The following VILL variants were observed in gnomAD, a reference collection of about 807,000 sequenced individuals.
VILL encodes villin like.
A neutral mutation model predicts 106.3 loss-of-function variants in VILL; 102 were observed. The observed-to-expected ratio is 0.96, with a 90% CI of 0.82 to 1.13. The LOEUF (loss-of-function observed/expected upper bound fraction) is 1.13. Ranked by LOEUF, VILL falls within the 50% of genes most tolerant of loss-of-function variation. VILL has a pLI of 0.00. For missense variants in VILL, 1,076 were observed against 1,116.6 expected, an observed-to-expected ratio of 0.96 and a Z score of 0.52; for synonymous variants, 431 against 440.3, an observed-to-expected ratio of 0.98 and a Z score of 0.27.
rs760367125 is a variant in VILL at position 37,994,398 on chromosome 3, C to G, written c.273C>G (p.Thr91=). 1 of 1,612,282 alleles carries G rather than the reference C, an allele frequency of 6.2e-7. No homozygotes were observed. Among genetic ancestry groups the G allele is most frequent in the African/African-American group, 1.3e-5 (1 of 74,902 alleles). ...QRLQDELGGQ[T]VLHREAQGHE... is the part of the protein sequence containing the mutation. ...TACAGGACGAGCTGGGGGGCCAGACCGTGCTGCACCGCGAGGCGCAGGGCC... is the reference window on the plus strand; with the variant it reads ...TACAGGACGAGCTGGGGGGCCAGACGGTGCTGCACCGCGAGGCGCAGGGCC... Residue 91 remains threonine (T), a synonymous_variant, in exon 4 of 20, where the codon ACC becomes ACG. Transcript: ENST00000383759.
intron 19 of VILL, 107 bp from the exon 20 acceptor site, chr3:38,006,835 C>T: frequency 6.6e-6 from 10 of 1,512,848 alleles, no homozygotes; most frequent in Non-Finnish European, 8.1e-6. Flanking sequence ...GGTGGGCAAA[C>T]AGATGCGGGA....
chr3:38,006,869 A>C (rs9757428), intron 19 of VILL, 73 bp from the exon 20 acceptor site: 1 of 1,517,768 alleles, frequency 6.6e-7, no homozygotes, highest in Non-Finnish European at 9.0e-7. Context: ...GATGACTGAC[A>C]CTACTGAGTG....
At chr3:38,002,329 TCCCA>T in intron 13 of VILL, 63 bp from the exon 14 acceptor site, 3 of 1,482,514 alleles carry the variant, frequency 2.0e-6, no homozygotes, top group Non-Finnish European at 2.7e-6. Context: ...AGGCAATATG[TCCCA>T]CACTGGGACA....
intron 11 of VILL, among the ~76,000 whole-genome samples, chr3:37,999,888 C>T (rs925255845): frequency 3.9e-5 from 6 of 152,254 alleles, no homozygotes; most frequent in African/African-American, 1.4e-4. Flanking sequence ...CACGATCACA[C>T]ATCATCAATT....
chr3:38,004,476 CT>C, intron 16 of VILL, 77 bp downstream of exon 16: 14 of 1,543,658 alleles, frequency 9.1e-6, no homozygotes, highest in African/African-American at 1.3e-5. Flanking sequence ...GTGTGTGTAT[CT>C]AGCCATCTGC....
chr3:37,998,882 T>A lies in VILL; in HGVS notation c.943-30T>A. 2 of 1,577,240 alleles carry A rather than the reference T, an allele frequency of 1.3e-6. No homozygotes were observed. Among genetic ancestry groups the A allele is most frequent in the Non-Finnish European group, 1.7e-6 (2 of 1,154,436 alleles). On this transcript the variant is annotated intron_variant, in intron 9 of 19. Coordinates refer to ENST00000383759, the MANE Select transcript of VILL (RefSeq NM_015873.4). The surrounding 1 kb of genome is among the most constrained non-coding windows in gnomAD (Gnocchi z 4.1). ...GCAGTGGGGCAGTGGACTCTCAGGG[T>A]CGCAGGACTGACGATGCCTTCCGCC...
chr3:38,000,604 C>A (rs1699794770), intron 11 of VILL, among the ~76,000 whole-genome samples: 1 of 152,094 alleles, frequency 6.6e-6, no homozygotes, highest in Non-Finnish European at 1.5e-5. Flanking sequence ...GTGCCAAGCA[C>A]AAAGTCAGGG....
In VILL at chr3:37,998,302, T is replaced by A; in HGVS notation, c.880T>A (p.Tyr294Asn). The A allele has an allele frequency of 6.2e-7, 1 of 1,614,130 alleles. No individual in the cohort carries two copies. The highest frequency in any genetic ancestry group is 1.7e-5 in the Admixed American group (1 of 60,018). The change falls in exon 9 of 20, where the codon TAT becomes AAT. Residue 294 changes from tyrosine to asparagine, a missense_variant. Physicochemically the swap from Tyr to Asn is moderately radical, Grantham distance 143. Transcript: ENST00000383759. The surrounding 1 kb of genome is among the most constrained non-coding windows in gnomAD (Gnocchi z 4.1). ...CCTGGACCAGGGTGGCTTCAAGATC[T>A]ATGTGTGGCAGGGACGCATGTCTAG... ...YILDQGGFKI[Y>N]VWQGRMSSLQ...
chr3:37,994,392 C>G lies in VILL; in HGVS notation c.267C>G (p.Gly89=). Residue 89 remains glycine (G), a synonymous_variant, in exon 4 of 20, where the codon GGC becomes GGG. Coordinates refer to ENST00000383759, the MANE Select transcript of VILL (RefSeq NM_015873.4). Reference sequence around the variant, plus strand: ...AGCGCCTACAGGACGAGCTGGGGGGCCAGACCGTGCTGCACCGCGAGGCGC... The same window carrying G: ...AGCGCCTACAGGACGAGCTGGGGGGGCAGACCGTGCTGCACCGCGAGGCGC... ...FQQRLQDELG[G]QTVLHREAQG... 2.5e-6 allele frequency: 4 copies of G among 1,612,534 alleles called. No homozygotes were observed. The highest frequency in any genetic ancestry group is 3.4e-6 in the Non-Finnish European group (4 of 1,179,844).
rs1472032107 is a variant in VILL, at chr3:38,006,255, G to A, written c.2205+3G>A. 1.2e-6 allele frequency: 2 copies of A among 1,614,194 alleles called. No homozygotes were observed. Among genetic ancestry groups the A allele is most frequent in the Non-Finnish European group, 8.5e-7 (1 of 1,180,032 alleles). The stretch of plus-strand genomic sequence containing the variant: ...CAACCATCTCTGAGATAACAGCAGT[G>A]AGTCCTGGGGCCCCTAGCCTTCCCC... On this transcript the variant is annotated splice_donor_region_variant and intron_variant, in intron 18 of 19. Transcript: ENST00000383759.
rs1347363182 is a variant in VILL, at chr3:37,999,009, G to T, written c.1040G>T (p.Trp347Leu). 1.9e-5 allele frequency: 30 copies of T among 1,606,004 alleles called. No homozygotes were observed. The highest frequency in any genetic ancestry group is 2.6e-5 in the Non-Finnish European group (30 of 1,176,218). The part of the protein sequence containing the change: ...SAAFKQLFRT[W>L]SEKRRRNQKL... ...GCGTTCAAGCAGCTCTTCCGGACTT[G>T]GTCTGAGAAGCGGCGCAGGAACCAG... The change falls in exon 10 of 20, where the codon TGG becomes TTG. Residue 347 changes from tryptophan to leucine, a missense_variant. Transcript: ENST00000383759.
chr3:37,993,746 C>T lies in VILL; in HGVS notation c.60+14C>T. 6.2e-7 allele frequency: 1 copy of T among 1,613,874 alleles called. No homozygotes were observed. Among genetic ancestry groups the T allele is most frequent in the Non-Finnish European group, 8.5e-7 (1 of 1,179,840 alleles). ...TGGATCTCTGAGGTGAGAGGCACGA[C>T]CAAATAGGAGAGTTGGTGACATGGA... On this transcript the variant is annotated intron_variant, in intron 2 of 19. Coordinates refer to ENST00000383759, the MANE Select transcript of VILL (RefSeq NM_015873.4).
At position 37,998,188 on chromosome 3, in the gene VILL, A is replaced by G; in HGVS notation, c.843+20A>G. 1 of 1,613,980 alleles carries G rather than the reference A, an allele frequency of 6.2e-7. No individual in the cohort carries two copies. Among genetic ancestry groups the G allele is most frequent in the South Asian group, 1.1e-5 (1 of 91,078 alleles). ...GAGGAGGTGAGGAAGGCCTGGCCCCAGCTACTTGCATCCTTCCCCATCCAC... is the reference window on the plus strand; with the variant it reads ...GAGGAGGTGAGGAAGGCCTGGCCCCGGCTACTTGCATCCTTCCCCATCCAC... On this transcript the variant is annotated intron_variant, in intron 8 of 19. Coordinates refer to ENST00000383759, the MANE Select transcript of VILL (RefSeq NM_015873.4). This position sits in a 1 kb window ranked among gnomAD's most constrained non-coding sequence, Gnocchi z 4.1.
chr3:37,999,493 C>A, intron 11 of VILL, 54 bp downstream of exon 11: 1 of 1,368,596 alleles, frequency 7.3e-7, no homozygotes, highest in South Asian at 1.6e-5. Flanking sequence ...GTAAGCTTTG[C>A]CTACAGGTAA....
chr3:37,999,482 G>A lies in VILL; in HGVS notation c.1182+43G>A. The A allele has an allele frequency of 4.2e-6, 6 of 1,417,064 alleles. No homozygotes were observed. The South Asian group carries it at 9.5e-5, about 22-fold the overall frequency. 87.8% of individuals were successfully genotyped at this position (1,417,064 alleles called of 1,614,324 possible). On this transcript the variant is annotated intron_variant, in intron 11 of 19. Transcript: ENST00000383759. ...AGCTGGGGGAAGATGGGCACACGGA[G>A]GTAAGCTTTGCCTACAGGTAAACGG...
chr3:37,998,865 G>T lies in VILL; in HGVS notation c.943-47G>T, dbSNP rs1039425635. 2.6e-6 allele frequency: 4 copies of T among 1,563,760 alleles called. No homozygotes were observed. The African/African-American group carries it at 5.5e-5, about 21-fold the overall frequency. On this transcript the variant is annotated intron_variant, in intron 9 of 19. Transcript: ENST00000383759. The surrounding 1 kb of genome is among the most constrained non-coding windows in gnomAD (Gnocchi z 4.1). ...GTAGGTCCCCAGGAGCGGCAGTGGG[G>T]CAGTGGACTCTCAGGGTCGCAGGAC... is the stretch of plus-strand genomic sequence containing the variant.
upstream of VILL, chr3:37,988,340 G>A (rs1699573289): frequency 6.6e-6 from 1 of 152,116 alleles, no homozygotes; most frequent in African/African-American, 2.4e-5. Context: ...GGAGGGGGGT[G>A]ATGTGAGCGG....
chr3:37,998,396 G>A lies in VILL; in HGVS notation c.942+32G>A. On this transcript the variant is annotated intron_variant, in intron 9 of 19. Coordinates refer to ENST00000383759, the MANE Select transcript of VILL (RefSeq NM_015873.4). The surrounding 1 kb of genome is among the most constrained non-coding windows in gnomAD (Gnocchi z 4.1). ...CCTGGGGCTCTGTCTGAGAGGAACAGAGCACTGCCCTGGGGTCTGAGTGGG... is the reference window on the plus strand; with the variant it reads ...CCTGGGGCTCTGTCTGAGAGGAACAAAGCACTGCCCTGGGGTCTGAGTGGG... The A allele has an allele frequency of 6.2e-7, 1 of 1,606,336 alleles. No individual in the cohort carries two copies. Among genetic ancestry groups the A allele is most frequent in the Non-Finnish European group, 8.5e-7 (1 of 1,173,236 alleles).
At chr3:37,992,232 T>C (rs1699620810) in intron 1 of VILL, among the ~76,000 whole-genome samples, 1 of 152,186 alleles carries the variant, frequency 6.6e-6, no homozygotes, top group Non-Finnish European at 1.5e-5. Context: ...GGGCCTCTGG[T>C]AACTGTCACT....
Sources: allele counts gnomAD v4.1 joint callset (sites outside exome capture counted in the v4.1 genomes callset), GRCh38; gene constraint gnomAD v4.1.1; non-coding constraint Gnocchi (gnomAD v3.1); transcripts MANE v1.5; gene names NCBI Gene and HGNC (gene_info 2026-07-23, HGNC 2026-07-21).